MAPK4: variants seen among roughly 807,000 people sequenced by gnomAD.
The protein encoded by MAPK4 is mitogen-activated protein kinase 4, also known as Erk3-related.
Under a neutral mutation model 47.7 loss-of-function variants are expected in MAPK4, and 22 were observed. The ratio of observed to expected loss-of-function variants is 0.46; its 90% CI spans 0.33 to 0.66. MAPK4 has a LOEUF of 0.66. MAPK4 is among the 30% of genes least tolerant of loss of function. MAPK4 has a pLI of 0.02. For missense variants in MAPK4, 736 were observed against 831.7 expected, an observed-to-expected ratio of 0.88 and a Z score of 1.42; for synonymous variants, 390 against 365.7, an observed-to-expected ratio of 1.07 and a Z score of -0.76.
At chr18:50,726,324 T>A in intron 5 of MAPK4, 149 bp downstream of exon 5, 1 of 753,178 alleles carries the variant, frequency 1.3e-6, no homozygotes, top group Non-Finnish European at 2.2e-6. Flanking sequence ...CTTTCTCTTG[T>A]GCCCAGACAC....
chr18:50,684,664 C>T (rs995014928), intron 2 of MAPK4, among the ~76,000 whole-genome samples: 6 of 152,210 alleles, frequency 3.9e-5, no homozygotes, highest in Admixed American at 2.0e-4. Context: ...TGGACCCATT[C>T]ATTAACTACA....
chr18:50,703,293 C>T (rs1400312341), intron 2 of MAPK4, among the ~76,000 whole-genome samples: 1 of 152,240 alleles, frequency 6.6e-6, no homozygotes, highest in Non-Finnish European at 1.5e-5. Flanking sequence ...CAGTAACCTG[C>T]ACTCTCCACC....
chr18:50,575,792 CAAAAAAA>C (rs540138636), intron 1 of MAPK4, among the ~76,000 whole-genome samples: 4 of 70,130 alleles, frequency 5.7e-5, no homozygotes, highest in African/African-American at 1.1e-4. Context: ...AATCAACAAG[CAAAAAAA>C]AAAAAAAAAA....
rs1318869953 is a variant in MAPK4, at chr18:50,641,868, A to C, written c.-870-21221A>C. 2.0e-5 allele frequency among the ~76,000 whole-genome samples: 3 copies of C among 152,244 alleles called. No individual in the cohort carries two copies. In the East Asian group the frequency reaches 5.8e-4, roughly 29 times the overall value. ...TGCTAAATAGCATAATTCTGTATCT[A>C]TCTTGTAAGTGTTCAATAACTGTTA... On this transcript the variant is annotated intron_variant, in intron 1 of 5. Transcript: ENST00000400384.
At chr18:50,579,129 GCAGGAGA>G (rs2042322132) in intron 1 of MAPK4, among the ~76,000 whole-genome samples, 1 of 152,186 alleles carries the variant, frequency 6.6e-6, no homozygotes. Context: ...AGGGGTGTAA[GCAGGAGA>G]GGATGGTGAT....
intron 1 of MAPK4, among the ~76,000 whole-genome samples, chr18:50,648,128 A>T (rs1319172356): frequency 1.3e-5 from 2 of 150,778 alleles, no homozygotes; most frequent in Non-Finnish European, 2.9e-5. Flanking sequence ...AGAGAGAGAG[A>T]GTCCCATGAG....
chr18:50,680,653 G>A (rs1469550343), intron 2 of MAPK4, among the ~76,000 whole-genome samples: 2 of 152,062 alleles, frequency 1.3e-5, no homozygotes, highest in Non-Finnish European at 2.9e-5. Flanking sequence ...TGCCTAGTCC[G>A]AATATTTCAC....
At position 50,715,219 on chromosome 18, in the gene MAPK4, T is replaced by G; in HGVS notation, c.687T>G (p.Phe229Leu). 6.2e-7 allele frequency: 1 copy of G among 1,613,528 alleles called. No homozygotes were observed. The highest frequency in any genetic ancestry group is 8.5e-7 in the Non-Finnish European group (1 of 1,179,846). The change falls in exon 3 of 6, where the codon TTT becomes TTG. Residue 229 changes from phenylalanine to leucine, a missense_variant. Physicochemically the swap from Phe to Leu is conservative, Grantham distance 22 (BLOSUM62 0). Coordinates refer to ENST00000400384, the MANE Select transcript of MAPK4 (RefSeq NM_002747.4). ...LAEMLTGRMLFAGAHELEQMQ... is the reference protein window; with the variant it reads ...LAEMLTGRMLLAGAHELEQMQ... ...AGATGCTTACGGGGAGAATGCTCTT[T>G]GCTGGTGAGTTGCTAACTATGCCAC...
chr18:50,722,006 G>A lies in MAPK4; in HGVS notation c.760G>A (p.Asp254Asn), dbSNP rs765118542. Residue 254 changes from aspartate to asparagine, a missense_variant, in exon 4 of 6, where the codon GAC (aspartate) becomes AAC (asparagine). By Grantham distance (23) the Asp-to-Asn change is conservative (BLOSUM62 1). This residue lies in a region of MAPK4 where 327 missense variants were observed against 395.4 expected (regional missense o/e 0.83). Transcript: ENST00000400384. ...CCCTGTAATCCGGGAGGAAGACAAG[G>A]ACGAGCTGCTCAGGGTGATGCCTTC... ...TIPVIREEDK[D>N]ELLRVMPSFV... The A allele has an allele frequency of 1.7e-5, 28 of 1,613,978 alleles. 2 individuals carry two copies. The Admixed American group carries it at 2.7e-4, about 15-fold the overall frequency.
At chr18:50,611,558 G>A (rs2042633577) in intron 1 of MAPK4, among the ~76,000 whole-genome samples, 1 of 152,206 alleles carries the variant, frequency 6.6e-6, no homozygotes, top group Non-Finnish European at 1.5e-5. Flanking sequence ...TCCTTATCTA[G>A]GCCCAGGCCA....
chr18:50,591,228 A>G (rs1022046793), intron 1 of MAPK4, among the ~76,000 whole-genome samples: 1 of 152,080 alleles, frequency 6.6e-6, no homozygotes, highest in Non-Finnish European at 1.5e-5. Context: ...ATTTTCTCTC[A>G]CAGCAACCCT....
At chr18:50,725,420 T>G (rs912451195) in intron 4 of MAPK4, among the ~76,000 whole-genome samples, 2 of 152,162 alleles carry the variant, frequency 1.3e-5, no homozygotes, top group African/African-American at 4.8e-5. Context: ...CCTCAGGGCT[T>G]CCTCAGGAGC....
At chr18:50,673,462 T>C (rs1362916839) in intron 2 of MAPK4, among the ~76,000 whole-genome samples, 1 of 152,238 alleles carries the variant, frequency 6.6e-6, no homozygotes, top group Non-Finnish European at 1.5e-5. Context: ...GTGGAGCTAG[T>C]GTGTTTCATG....
intron 3 of MAPK4, among the ~76,000 whole-genome samples, chr18:50,719,358 C>CAA (rs869254653): frequency 1.8e-5 from 2 of 108,160 alleles, no homozygotes; most frequent in East Asian, 3.0e-4. Flanking sequence ...AAAAACAAAA[C>CAA]AAAAAAAAAT....
chr18:50,617,100 A>G (rs2042691400), intron 1 of MAPK4, among the ~76,000 whole-genome samples: 1 of 152,164 alleles, frequency 6.6e-6, no homozygotes, highest in Non-Finnish European at 1.5e-5. Context: ...TCTTTGAACT[A>G]TTGTGCAAGA....
chr18:50,700,781 C>T (rs1053791699), intron 2 of MAPK4, among the ~76,000 whole-genome samples: 2 of 152,074 alleles, frequency 1.3e-5, no homozygotes, highest in East Asian at 1.9e-4. Flanking sequence ...ATTCTCTAGG[C>T]GGGAGTTGGG....
At chr18:50,725,290 G>A (rs988957080) in intron 4 of MAPK4, among the ~76,000 whole-genome samples, 1 of 152,176 alleles carries the variant, frequency 6.6e-6, no homozygotes, top group Non-Finnish European at 1.5e-5. Flanking sequence ...GCAGCATATG[G>A]TAGGAAGAGC....
intron 1 of MAPK4, among the ~76,000 whole-genome samples, chr18:50,636,402 G>A (rs1431082189): frequency 6.6e-6 from 1 of 152,236 alleles, no homozygotes; most frequent in Non-Finnish European, 1.5e-5. Context: ...GGGCAGGGCA[G>A]CTAGGAAGTG....
chr18:50,692,214 C>T (rs1909258152), intron 2 of MAPK4, among the ~76,000 whole-genome samples: 1 of 152,230 alleles, frequency 6.6e-6, no homozygotes. Flanking sequence ...CACACTGCCT[C>T]ACTGTTGTTA....
Sources: allele counts gnomAD v4.1 joint callset (sites outside exome capture counted in the v4.1 genomes callset), GRCh38; gene constraint gnomAD v4.1.1; regional missense constraint gnomAD v4.1.1; transcripts MANE v1.5; gene names NCBI Gene and HGNC (gene_info 2026-07-23, HGNC 2026-07-21).